The following OTOGL variants were observed in gnomAD, a reference collection of about 807,000 sequenced individuals.
The protein encoded by OTOGL is otogelin-like protein.
OTOGL carries 285 observed loss-of-function variants against 318.5 expected under a neutral mutation model. The observed-to-expected ratio is 0.89, with a 90% CI of 0.81 to 0.99. The LOEUF is 0.99. OTOGL is among the 50% of genes least tolerant of loss of function. The pLI is 0.00. For synonymous variants in OTOGL, 987 were observed against 936.5 expected, an observed-to-expected ratio of 1.05 and a Z score of -0.99; for missense variants, 2,899 against 2,845.6, an observed-to-expected ratio of 1.02 and a Z score of -0.43.
rs879787704 is a variant in OTOGL, at chr12:80,345,088, GTTATATT to G, written c.5265+2933_5265+2939del. On this transcript the variant is annotated intron_variant, in intron 44 of 58. Transcript: ENST00000547103. ...TATATTATAATATATATTATTATAT[GTTATATT>G]TTATATATTATAATATATATTATTA... is the stretch of plus-strand genomic sequence containing the variant. Among the ~76,000 whole-genome samples the G allele has an allele frequency of 1.2e-3, 59 of 47,638 alleles. 1 individual carries two copies. The highest frequency in any genetic ancestry group is 2.2e-3 in the African/African-American group (26 of 11,766). The allele number at this position is 47,638 out of a possible 152,430, so 31.3% of individuals were successfully genotyped here.
At chr12:80,297,446 C>T (rs1279095459) in intron 27 of OTOGL, among the ~76,000 whole-genome samples, 1 of 151,846 alleles carries the variant, frequency 6.6e-6, no homozygotes, top group Admixed American at 6.6e-5. Context: ...ATTCTCTTGC[C>T]TCAGCCTCCT....
intron 11 of OTOGL, among the ~76,000 whole-genome samples, chr12:80,241,988 C>A (rs1880420270): frequency 1.3e-5 from 2 of 152,142 alleles, no homozygotes; most frequent in African/African-American, 4.8e-5. Flanking sequence ...CTGGAAGTTT[C>A]ATGCATGCTT....
At chr12:80,249,516 G>C (rs1881278579) in intron 11 of OTOGL, among the ~76,000 whole-genome samples, 1 of 151,906 alleles carries the variant, frequency 6.6e-6, no homozygotes, top group Non-Finnish European at 1.5e-5. Flanking sequence ...GAGGCAGTCT[G>C]CCTGTTCTCA....
At chr12:80,299,403 A>G (rs1440870076) in intron 27 of OTOGL, among the ~76,000 whole-genome samples, 2 of 152,094 alleles carry the variant, frequency 1.3e-5, no homozygotes, top group Non-Finnish European at 2.9e-5. Flanking sequence ...GGTGATTGCA[A>G]CTCCACATAA....
intron 1 of OTOGL, among the ~76,000 whole-genome samples, chr12:80,195,726 GCT>G (rs1041230543): frequency 6.6e-6 from 1 of 152,150 alleles, no homozygotes; most frequent in African/African-American, 2.4e-5. Flanking sequence ...GCTGGAGCCA[GCT>G]CCTGGTGGCT....
intron 45 of OTOGL, among the ~76,000 whole-genome samples, 163 bp from the exon 46 acceptor site, chr12:80,353,162 T>G (rs549641114): frequency 2.0e-5 from 3 of 152,356 alleles, no homozygotes; most frequent in South Asian, 2.1e-4. Context: ...CATTGATGCC[T>G]TTGTTTCTGA....
chr12:80,274,870 G>A (rs1301605859), intron 24 of OTOGL, among the ~76,000 whole-genome samples: 1 of 151,962 alleles, frequency 6.6e-6, no homozygotes, highest in Non-Finnish European at 1.5e-5. Flanking sequence ...CTGGGTGGCA[G>A]CACGTCTGTT....
rs184040438 is a variant in OTOGL, at chr12:80,114,393, A to C, written c.-20+14788A>C. On this transcript the variant is annotated intron_variant, in intron 1 of 58. Coordinates refer to ENST00000547103, the MANE Select transcript of OTOGL (RefSeq NM_001378609.3). ...ATGAAGCTTAGTTTGGCTGGATATG[A>C]AATTCTGGGTTGAAAATTCTTTTCT... Among the ~76,000 whole-genome samples the C allele has an allele frequency of 1.4e-3, 213 of 152,296 alleles. 1 individual carries two copies. The highest frequency in any genetic ancestry group is 4.8e-3 in the African/African-American group (199 of 41,558).
chr12:80,243,315 T>C (rs564382416), intron 11 of OTOGL, among the ~76,000 whole-genome samples: 6 of 152,134 alleles, frequency 3.9e-5, no homozygotes, highest in Non-Finnish European at 7.4e-5. Flanking sequence ...CCAATAAGCA[T>C]TCAGTATCCA....
intron 1 of OTOGL, among the ~76,000 whole-genome samples, chr12:80,118,605 T>C (rs1478872354): frequency 6.6e-6 from 1 of 152,218 alleles, no homozygotes; most frequent in Non-Finnish European, 1.5e-5. Flanking sequence ...TCTAGAGTAA[T>C]GTGAAATATG....
intron 32 of OTOGL, among the ~76,000 whole-genome samples, chr12:80,315,488 T>C (rs959146770): frequency 6.6e-6 from 1 of 152,158 alleles, no homozygotes; most frequent in African/African-American, 2.4e-5. Flanking sequence ...TGCAAATCTA[T>C]TTAATGAGGA....
chr12:80,264,997 T>C lies in OTOGL; in HGVS notation c.2015-4T>C. 6.2e-7 allele frequency: 1 copy of C among 1,613,626 alleles called. No homozygotes were observed. Among genetic ancestry groups the C allele is most frequent in the Non-Finnish European group, 8.5e-7 (1 of 1,179,650 alleles). The stretch of plus-strand genomic sequence containing the variant: ...AATAAGATGCTAATTGGGCTCTTTG[T>C]TAGTTGGGTATGCAGCACACTGTGA... On this transcript the variant is annotated splice_polypyrimidine_tract_variant and splice_region_variant and intron_variant, in intron 19 of 58. Coordinates refer to ENST00000547103, the MANE Select transcript of OTOGL (RefSeq NM_001378609.3).
intron 35 of OTOGL, among the ~76,000 whole-genome samples, chr12:80,326,647 C>T (rs983309067): frequency 6.6e-6 from 1 of 152,084 alleles, no homozygotes; most frequent in Non-Finnish European, 1.5e-5. Flanking sequence ...TTCCACTTCA[C>T]AAAGTTTAAA....
intron 1 of OTOGL, among the ~76,000 whole-genome samples, chr12:80,138,015 A>G (rs1466449846): frequency 6.6e-6 from 1 of 152,202 alleles, no homozygotes; most frequent in Non-Finnish European, 1.5e-5. Flanking sequence ...GTTAGTACAA[A>G]TAAGTATTAT....
In OTOGL at chr12:80,213,982, C is replaced by T. The variant is rs534626378; in HGVS notation, c.168+1985C>T. ...AATGAGGTGAGCAAGAAAGGGTAAA[C>T]GCAGACTTCTGTAAATAGTGTATTT... is the stretch of plus-strand genomic sequence containing the variant. On this transcript the variant is annotated intron_variant, in intron 4 of 58. Transcript: ENST00000547103. 1.2e-4 allele frequency among the ~76,000 whole-genome samples: 18 copies of T among 152,256 alleles called. No individual in the cohort carries two copies. In the South Asian group the frequency reaches 2.7e-3, roughly 23 times the overall value.
At chr12:80,111,862 A>G (rs1869860042) in intron 1 of OTOGL, among the ~76,000 whole-genome samples, 1 of 152,122 alleles carries the variant, frequency 6.6e-6, no homozygotes, top group South Asian at 2.1e-4. Flanking sequence ...CACTATATTG[A>G]TTCTTTCTAT....
chr12:80,299,289 T>C (rs1885604301), intron 27 of OTOGL, among the ~76,000 whole-genome samples: 1 of 152,172 alleles, frequency 6.6e-6, no homozygotes, highest in South Asian at 2.1e-4. Context: ...CAACCAGATA[T>C]TCATTTATAG....
chr12:80,230,101 C>A (rs781379975), intron 8 of OTOGL, among the ~76,000 whole-genome samples: 1 of 151,918 alleles, frequency 6.6e-6, no homozygotes, highest in Non-Finnish European at 1.5e-5. Context: ...TGGATTATGC[C>A]AGAACAAGTA....
chr12:80,221,429 T>G (rs1281754162), intron 6 of OTOGL, among the ~76,000 whole-genome samples: 1 of 151,972 alleles, frequency 6.6e-6, no homozygotes, highest in Admixed American at 6.6e-5. Context: ...CCCACCATGC[T>G]GGCTAATTTT....
Sources: allele counts gnomAD v4.1 joint callset (sites outside exome capture counted in the v4.1 genomes callset), GRCh38; gene constraint gnomAD v4.1.1; transcripts MANE v1.5; gene names NCBI Gene and HGNC (gene_info 2026-07-23, HGNC 2026-07-21).